Variants in TRPS1 observed in about 807,000 individuals in gnomAD.
TRPS1 encodes the protein transcriptional repressor GATA binding 1, also known as zinc finger transcription factor Trps1.
In TRPS1, 6 loss-of-function variants were observed where a neutral mutation model predicts 101.2. The ratio of observed to expected loss-of-function variants is 0.06; its 90% CI spans 0.03 to 0.12. The LOEUF is 0.12. Ranked by LOEUF, TRPS1 falls within the 10% of genes least tolerant of loss-of-function variation. TRPS1 has a pLI of 1.00. For synonymous variants in TRPS1, 578 were observed against 589.8 expected (o/e 0.98, Z 0.29); for missense variants, 1,363 against 1,567.0 (o/e 0.87, Z 2.20).
intron 3 of TRPS1, among the ~76,000 whole-genome samples, chr8:115,609,535 T>C (rs747483541): frequency 5.9e-5 from 9 of 152,108 alleles, no homozygotes; most frequent in Non-Finnish European, 8.8e-5. Context: ...GGCCCCTGAG[T>C]TACCTGAGAT....
At chr8:115,416,592 TA>T (rs1414054595) in intron 6 of TRPS1, among the ~76,000 whole-genome samples, 14 of 149,350 alleles carry the variant, frequency 9.4e-5, no homozygotes, top group South Asian at 2.1e-4. Context: ...AATATAAATT[TA>T]AAAAAACATA....
chr8:115,473,926 C>T (rs990534434), intron 5 of TRPS1, among the ~76,000 whole-genome samples: 1 of 152,118 alleles, frequency 6.6e-6, no homozygotes, highest in African/African-American at 2.4e-5. Flanking sequence ...TGACTTTATG[C>T]CCTAAGGAGT....
intron 5 of TRPS1, among the ~76,000 whole-genome samples, chr8:115,510,462 C>G (rs1295222238): frequency 6.6e-6 from 1 of 151,932 alleles, no homozygotes; most frequent in Admixed American, 6.6e-5. Flanking sequence ...TCTGTTCTTC[C>G]TAAGCTATAA....
At chr8:115,626,116 A>C (rs1421840281) in intron 1 of TRPS1, among the ~76,000 whole-genome samples, 1 of 151,742 alleles carries the variant, frequency 6.6e-6, no homozygotes, top group Non-Finnish European at 1.5e-5. Flanking sequence ...AGAAAGAAAA[A>C]ATGTTTCTTT....
At chr8:115,612,971 AGT>A (rs896843095) in intron 3 of TRPS1, among the ~76,000 whole-genome samples, 1 of 152,206 alleles carries the variant, frequency 6.6e-6, no homozygotes, top group African/African-American at 2.4e-5. Flanking sequence ...ATGGGAATGG[AGT>A]GTATCTCCTT....
intron 5 of TRPS1, among the ~76,000 whole-genome samples, chr8:115,554,700 A>C (rs1303442717): frequency 6.6e-6 from 1 of 152,176 alleles, no homozygotes; most frequent in East Asian, 1.9e-4. Context: ...CAATGTAATA[A>C]TAGAAGCAGA....
At chr8:115,487,256 G>GA (rs35864552) in intron 5 of TRPS1, among the ~76,000 whole-genome samples, 48,447 of 147,492 alleles carry the variant, frequency 0.33, 9,130 homozygotes, top group Non-Finnish European at 0.45. Context: ...CTACTTCTCA[G>GA]AAAAAAAAAA....
At chr8:115,475,266 T>TTTATATATATA (rs1416101277) in intron 5 of TRPS1, among the ~76,000 whole-genome samples, 4 of 124,000 alleles carry the variant, frequency 3.2e-5, no homozygotes, top group African/African-American at 1.4e-4. Flanking sequence ...TGAATCACAG[T>TTTATATATATA]TATATATATA....
chr8:115,587,766 G>C (rs1172315736), intron 4 of TRPS1, among the ~76,000 whole-genome samples, 162 bp from the exon 5 acceptor site: 1 of 152,132 alleles, frequency 6.6e-6, no homozygotes, highest in Non-Finnish European at 1.5e-5. Flanking sequence ...TAATTAACAG[G>C]CATTTTCAGT....
chr8:115,621,971 T>C (rs1429360054), intron 2 of TRPS1, among the ~76,000 whole-genome samples: 1 of 151,886 alleles, frequency 6.6e-6, no homozygotes, highest in African/African-American at 2.4e-5. Context: ...TACACTGTTC[T>C]TCTTACACAT....
At chr8:115,626,287 G>GAA (rs143761397) in intron 1 of TRPS1, among the ~76,000 whole-genome samples, 1 of 134,940 alleles carries the variant, frequency 7.4e-6, no homozygotes. Context: ...TTGGTTTAGG[G>GAA]AAAAAAAAAA....
intron 5 of TRPS1, among the ~76,000 whole-genome samples, chr8:115,435,355 T>A (rs944755841): frequency 2.0e-5 from 3 of 152,160 alleles, no homozygotes; most frequent in African/African-American, 4.8e-5. Context: ...ATGAAATACA[T>A]AACCATTAAT....
intron 5 of TRPS1, among the ~76,000 whole-genome samples, chr8:115,488,840 TAG>T (rs1814951938): frequency 6.6e-6 from 1 of 152,152 alleles, no homozygotes; most frequent in African/African-American, 2.4e-5. Flanking sequence ...TTGGATAATT[TAG>T]AGTTAAAATA....
At chr8:115,437,796 C>T (rs759229463) in intron 5 of TRPS1, among the ~76,000 whole-genome samples, 8 of 152,132 alleles carry the variant, frequency 5.3e-5, no homozygotes, top group Non-Finnish European at 1.0e-4. Flanking sequence ...TCAACTCTTG[C>T]TGTCTTCACA....
chr8:115,534,115 C>T (rs1563581465), intron 5 of TRPS1, among the ~76,000 whole-genome samples: 1 of 151,898 alleles, frequency 6.6e-6, no homozygotes, highest in African/African-American at 2.4e-5. Context: ...ACCCTGATAC[C>T]ATCACACTGG....
chr8:115,452,916 G>C (rs1435881539), intron 5 of TRPS1, among the ~76,000 whole-genome samples: 1 of 152,128 alleles, frequency 6.6e-6, no homozygotes, highest in Non-Finnish European at 1.5e-5. Context: ...TGTGGAAACA[G>C]ATTTTTAACT....
chr8:115,612,834 G>C (rs2130514849), intron 3 of TRPS1, among the ~76,000 whole-genome samples: 1 of 152,286 alleles, frequency 6.6e-6, no homozygotes, highest in Non-Finnish European at 1.5e-5. Flanking sequence ...AGCACAGCTG[G>C]AGAATCCAGC....
intron 5 of TRPS1, among the ~76,000 whole-genome samples, chr8:115,507,412 A>G (rs1815472833): frequency 6.6e-6 from 1 of 152,106 alleles, no homozygotes; most frequent in Non-Finnish European, 1.5e-5. Flanking sequence ...CTAACAAATC[A>G]AGACCAGTGT....
intron 5 of TRPS1, among the ~76,000 whole-genome samples, chr8:115,469,858 GC>G (rs1814422632): frequency 6.6e-6 from 1 of 152,082 alleles, no homozygotes; most frequent in African/African-American, 2.4e-5. Flanking sequence ...CAACCACTAT[GC>G]CATATCAATG....
Sources: allele counts gnomAD v4.1 joint callset (sites outside exome capture counted in the v4.1 genomes callset), GRCh38; gene constraint gnomAD v4.1.1; transcripts MANE v1.5; gene names NCBI Gene and HGNC (gene_info 2026-07-23, HGNC 2026-07-21).